The following CREM variants were observed in gnomAD, a reference collection of about 807,000 sequenced individuals.
The protein encoded by CREM is cAMP-responsive element modulator.
Under a neutral mutation model 37.3 loss-of-function variants are expected in CREM, and 13 were observed. The ratio of observed to expected loss-of-function variants is 0.35; its 90% CI spans 0.23 to 0.55. The LOEUF (loss-of-function observed/expected upper bound fraction) is 0.55, where lower values mean the gene tolerates loss of function less well. CREM is among the 20% of genes least tolerant of loss of function. CREM has a pLI of 0.88. For synonymous variants in CREM, 124 were observed against 120.2 expected (o/e 1.03, Z -0.21); for missense variants, 296 against 362.3 (o/e 0.82, Z 1.49).
Position 35,127,062 on chromosome 10 carries a change from A to G in CREM, c.-186A>G. ...CCGCATCACAGCTGACGTGAGGACT[A>G]CGTGGGGCCGCTGCCGGCTCCGGGT... On this transcript the variant is annotated 5_prime_UTR_variant, in exon 1 of 8. Transcript: ENST00000685392. 6.6e-6 allele frequency: 1 copy of G among 152,642 alleles called. No homozygotes were observed. The highest frequency in any genetic ancestry group is 1.5e-5 in the Non-Finnish European group (1 of 68,052). The allele number at this position is 152,642 out of a possible 1,614,324, so 9.5% of individuals were successfully genotyped here. A position where few individuals can be genotyped will look rare whatever the true frequency, so the allele number is the denominator to read the frequency against.
At chr10:35,180,540 A>G (rs772131931) in intron 5 of CREM, among the ~76,000 whole-genome samples, 2 of 152,228 alleles carry the variant, frequency 1.3e-5, no homozygotes, top group Non-Finnish European at 2.9e-5. Flanking sequence ...TACCTAGCAG[A>G]TCCGGGGTGT....
At chr10:35,157,157 C>G (rs888060585) in intron 3 of CREM, among the ~76,000 whole-genome samples, 1 of 152,140 alleles carries the variant, frequency 6.6e-6, no homozygotes, top group East Asian at 1.9e-4. Context: ...ATCATCATCT[C>G]AATACATGCA....
intron 1 of CREM, among the ~76,000 whole-genome samples, chr10:35,131,663 T>A (rs1457587363): frequency 1.3e-5 from 2 of 152,180 alleles, no homozygotes. Context: ...ACAGGTTTTG[T>A]TCAGATGTGT....
At chr10:35,165,056 CAAAA>C (rs60898349) in intron 3 of CREM, among the ~76,000 whole-genome samples, 21 of 74,900 alleles carry the variant, frequency 2.8e-4, no homozygotes, top group African/African-American at 8.0e-4. Flanking sequence ...GGCTCCATCT[CAAAA>C]AAAAAAAAAA....
intron 3 of CREM, among the ~76,000 whole-genome samples, chr10:35,148,929 C>A (rs557048650): frequency 6.6e-6 from 1 of 152,238 alleles, no homozygotes; most frequent in Admixed American, 6.5e-5. Context: ...TCAGTTAGTA[C>A]CTGTTTCTAG....
intron 6 of CREM, among the ~76,000 whole-genome samples, chr10:35,189,802 A>G (rs1359554337): frequency 3.3e-5 from 5 of 152,186 alleles, no homozygotes; most frequent in Non-Finnish European, 5.9e-5. Flanking sequence ...AGGCAGCACT[A>G]ACGTTAAGGA....
intron 6 of CREM, chr10:35,195,272 A>T: frequency 6.3e-7 from 1 of 1,598,944 alleles, no homozygotes; most frequent in Non-Finnish European, 8.6e-7. Flanking sequence ...GAAGTTTAGG[A>T]AGTATTCAGG....
At chr10:35,175,422 G>A (rs1159047773) in intron 3 of CREM, among the ~76,000 whole-genome samples, 1 of 152,076 alleles carries the variant, frequency 6.6e-6, no homozygotes, top group Non-Finnish European at 1.5e-5. Flanking sequence ...CTCCAGCCTG[G>A]GCAGCAGAGC....
chr10:35,192,661 T>C (rs1380609636), intron 6 of CREM, among the ~76,000 whole-genome samples: 2 of 151,956 alleles, frequency 1.3e-5, no homozygotes, highest in Non-Finnish European at 2.9e-5. Context: ...TGGGGTCTTT[T>C]TAATAAGGGC....
chr10:35,156,557 A>T (rs2092927710), intron 3 of CREM, among the ~76,000 whole-genome samples: 1 of 152,130 alleles, frequency 6.6e-6, no homozygotes, highest in Non-Finnish European at 1.5e-5. Flanking sequence ...GCCAGAGACT[A>T]TTTTCTTTCC....
chr10:35,164,196 T>G (rs2093428998), intron 3 of CREM, among the ~76,000 whole-genome samples: 1 of 152,234 alleles, frequency 6.6e-6, no homozygotes, highest in Admixed American at 6.5e-5. Context: ...ATTTCATAGA[T>G]TAAATGAGAT....
chr10:35,148,230 G>C, intron 2 of CREM, 138 bp from the exon 3 acceptor site: 1 of 765,612 alleles, frequency 1.3e-6, no homozygotes, highest in Non-Finnish European at 2.1e-6. Context: ...TCCTTTTGTG[G>C]CATCATGTAA....
intron 3 of CREM, among the ~76,000 whole-genome samples, chr10:35,158,810 TTGTTTTGTTTG>T (rs775502422): frequency 0.068 from 5,878 of 86,302 alleles, 318 homozygotes; most frequent in South Asian, 0.12. Context: ...TTTTTTTTTG[TTGTTTTGTTTG>T]TTTTTTTTTT....
intron 3 of CREM, among the ~76,000 whole-genome samples, chr10:35,175,191 T>C (rs2093992686): frequency 6.6e-6 from 1 of 152,256 alleles, no homozygotes; most frequent in African/African-American, 2.4e-5. Context: ...CTCACGCCTG[T>C]AATCCCAGCA....
chr10:35,131,253 G>A (rs1368221695), intron 1 of CREM, among the ~76,000 whole-genome samples: 1 of 152,180 alleles, frequency 6.6e-6, no homozygotes, highest in African/African-American at 2.4e-5. Flanking sequence ...ACGTTTAAGA[G>A]TGGAGCTAAT....
chr10:35,142,212 A>G (rs886085745), intron 2 of CREM, among the ~76,000 whole-genome samples: 5 of 152,326 alleles, frequency 3.3e-5, no homozygotes, highest in African/African-American at 4.8e-5. Context: ...GGCTATGTGT[A>G]TAAGTTGTGA....
At chr10:35,170,737 G>A (rs1260390645) in intron 3 of CREM, among the ~76,000 whole-genome samples, 2 of 152,000 alleles carry the variant, frequency 1.3e-5, no homozygotes, top group African/African-American at 2.4e-5. Flanking sequence ...CTGTGGGGTC[G>A]GTGGTGATAT....
At chr10:35,175,288 TACAA>T (rs1201679626) in intron 3 of CREM, among the ~76,000 whole-genome samples, 2 of 152,050 alleles carry the variant, frequency 1.3e-5, no homozygotes, top group Non-Finnish European at 2.9e-5. Context: ...CTACTAAAAA[TACAA>T]ACAATTAGCT....
chr10:35,191,972 T>G (rs971630340), intron 6 of CREM, among the ~76,000 whole-genome samples: 1 of 152,224 alleles, frequency 6.6e-6, no homozygotes, highest in Non-Finnish European at 1.5e-5. Context: ...TGTCCAGTAT[T>G]CTTCCCAGTC....
Sources: gnomAD v4.1 joint callset for allele counts (sites outside exome capture counted in the v4.1 genomes callset) on GRCh38, gnomAD v4.1.1 for gene constraint, MANE v1.5 for transcripts, NCBI Gene and HGNC (gene_info 2026-07-23, HGNC 2026-07-21) for gene names.